NME6: variants seen among roughly 807,000 people sequenced by gnomAD.
NME6 encodes nucleoside diphosphate kinase 6, mitochondrial.
Under a neutral mutation model 22.2 loss-of-function variants are expected in NME6, and 16 were observed. The observed-to-expected ratio is 0.72, with a 90% CI of 0.49 to 1.09. NME6 has a LOEUF of 1.09. NME6 is among the 50% of genes least tolerant of loss of function. NME6 has a pLI of 0.00. For missense variants in NME6, 229 were observed against 239.0 expected, an observed-to-expected ratio of 0.96 and a Z score of 0.28; for synonymous variants, 58 against 85.2, an observed-to-expected ratio of 0.68 and a Z score of 1.76.
chr3:48,294,816 A>T lies in NME6; in HGVS notation c.395-13T>A. On this transcript the variant is annotated splice_polypyrimidine_tract_variant and intron_variant, in intron 5 of 5. Coordinates refer to ENST00000442597, the MANE Select transcript of NME6 (RefSeq NM_001308426.2). ...GAAACCACAGAGTCTGTAAGGGGAG[A>T]TAAGACAGAGAAGGGGTTCTCACAT... The T allele has an allele frequency of 1.2e-6, 2 of 1,611,378 alleles. No individual in the cohort carries two copies. Among genetic ancestry groups the T allele is most frequent in the Non-Finnish European group, 8.5e-7 (1 of 1,177,794 alleles).
At chr3:48,298,261 C>A in intron 2 of NME6, 166 bp downstream of exon 2, 1 of 663,922 alleles carries the variant, frequency 1.5e-6, no homozygotes. Flanking sequence ...TGCCTCAAGT[C>A]TCCAATGGAT....
Position 48,294,569 on chromosome 3 carries a change from A to C in NME6, c.*68T>G. ...CTGTAAGCCAGGCTTCCCTGGTCCTAGGAGAATGTTTTAGACTAGATGTCT... is the reference window on the plus strand; with the variant it reads ...CTGTAAGCCAGGCTTCCCTGGTCCTCGGAGAATGTTTTAGACTAGATGTCT... On this transcript the variant is annotated 3_prime_UTR_variant, in exon 6 of 6. Transcript: ENST00000442597. The C allele has an allele frequency of 1.3e-6, 2 of 1,547,202 alleles. No homozygotes were observed. The highest frequency in any genetic ancestry group is 1.8e-6 in the Non-Finnish European group (2 of 1,129,386).
downstream of NME6, chr3:48,291,628 T>TC (rs2034480465): frequency 1.3e-5 from 2 of 155,768 alleles, no homozygotes; most frequent in South Asian, 3.7e-4. Context: ...TAAGTGATCC[T>TC]CCCCCCTCAG....
chr3:48,301,162 A>ACCTGCGCCCCTACCCCCGTGG, intron 1 of NME6, 191 bp downstream of exon 1: 1 of 1,124,884 alleles, frequency 8.9e-7, no homozygotes, highest in Non-Finnish European at 1.2e-6. Flanking sequence ...CGCGGCCGGG[A>ACCTGCGCCCCTACCCCCGTGG]CCTGCGCCCC....
At position 48,298,409 on chromosome 3, in the gene NME6, C is replaced by G. The variant is rs2035334340; in HGVS notation, c.90+18G>C. 1.2e-6 allele frequency: 2 copies of G among 1,608,760 alleles called. No individual in the cohort carries two copies. Among genetic ancestry groups the G allele is most frequent in the Non-Finnish European group, 1.7e-6 (2 of 1,175,172 alleles). On this transcript the variant is annotated intron_variant, in intron 2 of 5. Transcript: ENST00000442597. ...CAATTCCCAGGGCATGCGGTAGAGACTTAGGATTCATTCTTACCTCCAGAA... is the reference window on the plus strand; with the variant it reads ...CAATTCCCAGGGCATGCGGTAGAGAGTTAGGATTCATTCTTACCTCCAGAA...
chr3:48,298,537 G>A lies in NME6; in HGVS notation c.-7-14C>T. On this transcript the variant is annotated splice_polypyrimidine_tract_variant and intron_variant, in intron 1 of 5. Transcript: ENST00000442597. ...GCCATCTCACTCCTGCCATTAGAGA[G>A]CTGTATTAGGAACCCTTCAGGACGG... is the stretch of plus-strand genomic sequence containing the variant. 1 of 1,582,606 alleles carries A rather than the reference G, an allele frequency of 6.3e-7. No individual in the cohort carries two copies. Among genetic ancestry groups the A allele is most frequent in the Non-Finnish European group, 8.6e-7 (1 of 1,164,710 alleles).
chr3:48,291,154 T>G (rs566405431), downstream of NME6: 1 of 311,018 alleles, frequency 3.2e-6, no homozygotes, highest in Non-Finnish European at 6.4e-6. Context: ...AATAGAAAAG[T>G]TGGTAACGCT....
At chr3:48,295,585 A>C (rs576712355) in intron 4 of NME6, 1 of 257,262 alleles carries the variant, frequency 3.9e-6, no homozygotes, top group African/African-American at 2.2e-5. Flanking sequence ...TCTGTTGCCC[A>C]GGCTAGAGTA....
intron 1 of NME6, among the ~76,000 whole-genome samples, chr3:48,299,983 A>G (rs1269894662): frequency 6.6e-6 from 1 of 151,872 alleles, no homozygotes; most frequent in Non-Finnish European, 1.5e-5. Context: ...AATTTTCCCT[A>G]CCTAATATAT....
intron 1 of NME6, 30 bp downstream of exon 1, chr3:48,301,323 A>G: frequency 6.3e-7 from 1 of 1,587,906 alleles, no homozygotes; most frequent in Non-Finnish European, 8.6e-7. Flanking sequence ...TCGGAGCCCC[A>G]GTGCAGCAGA....
At chr3:48,299,049 ATTC>A (rs1233524353) in intron 1 of NME6, 4 of 700,186 alleles carry the variant, frequency 5.7e-6, no homozygotes, top group Non-Finnish European at 1.0e-5. Flanking sequence ...CACCATCTCT[ATTC>A]TAATATTATG....
At chr3:48,292,283 T>C (rs1374196506), downstream of NME6, 1 of 152,208 alleles carries the variant, frequency 6.6e-6, no homozygotes, top group Admixed American at 6.5e-5. Flanking sequence ...CATCTATCTC[T>C]ATAGACTGAA....
In NME6 at chr3:48,296,833, A is replaced by AAT; in HGVS notation, c.91-6_91-5dup. On this transcript the variant is annotated splice_polypyrimidine_tract_variant and splice_region_variant and intron_variant, in intron 2 of 5. Coordinates refer to ENST00000442597, the MANE Select transcript of NME6 (RefSeq NM_001308426.2). ...TTAGAATCTGCTGATGAACAGCCTG[A>AAT]ATAAAGACCATCCCCAAAATAAAAA... 4 of 1,602,980 alleles carry AAT rather than the reference A, an allele frequency of 2.5e-6. No homozygotes were observed. The highest frequency in any genetic ancestry group is 3.4e-6 in the Non-Finnish European group (4 of 1,171,938).
At position 48,292,361 on chromosome 3, in the gene NME6, A is replaced by G. The variant is rs1575310520; in HGVS notation, c.*2276T>C. On this transcript the variant is annotated 3_prime_UTR_variant, in exon 6 of 6. Transcript: ENST00000442597. ...GTTTATTCTAGTTTTCTCCCTTTCC[A>G]TATTTGTGGGAGCCAGGTTTTTATG... 1 of 152,144 alleles carries G rather than the reference A, an allele frequency of 6.6e-6. No individual in the cohort carries two copies. Among genetic ancestry groups the G allele is most frequent in the African/African-American group, 2.4e-5 (1 of 41,436 alleles). The allele number at this position is 152,144 out of a possible 1,614,324, so 9.4% of individuals were successfully genotyped here.
At chr3:48,301,239 TTC>T in intron 1 of NME6, 112 bp downstream of exon 1, 1 of 1,552,780 alleles carries the variant, frequency 6.4e-7, no homozygotes, top group Non-Finnish European at 8.7e-7. Context: ...AGCCCCCTAC[TTC>T]TCTAGGCCTG....
In NME6 at chr3:48,294,413, A is replaced by G. The variant is rs2034834334; in HGVS notation, c.*224T>C. The stretch of plus-strand genomic sequence containing the variant: ...GAAGAAGGATGAACAGTTCTCAGCA[A>G]AGAGGAGTCATCATTCTTCTGAACC... On this transcript the variant is annotated 3_prime_UTR_variant, in exon 6 of 6. Transcript: ENST00000442597. 2.0e-6 allele frequency: 1 copy of G among 496,288 alleles called. No individual in the cohort carries two copies. Among genetic ancestry groups the G allele is most frequent in the Admixed American group, 3.1e-5 (1 of 31,916 alleles). 30.7% of individuals were successfully genotyped at this position (496,288 alleles called of 1,614,324 possible).
chr3:48,288,970 A>G (rs539032174), downstream of NME6, among the ~76,000 whole-genome samples: 31 of 152,232 alleles, frequency 2.0e-4, no homozygotes, highest in African/African-American at 6.7e-4. Flanking sequence ...GTGAGAGAGG[A>G]CACTGAAGAG....
chr3:48,294,231 G>A lies in NME6; in HGVS notation c.*406C>T, dbSNP rs1385418945. ...TGGGATTACAGGCATGCACCACCAT[G>A]CCTGGCTAATTGTTGTATTTTTAGT... On this transcript the variant is annotated 3_prime_UTR_variant, in exon 6 of 6. Transcript: ENST00000442597. 6.1e-6 allele frequency: 1 copy of A among 163,730 alleles called. No individual in the cohort carries two copies. Among genetic ancestry groups the A allele is most frequent in the African/African-American group, 2.4e-5 (1 of 41,908 alleles). The allele number at this position is 163,730 out of a possible 1,614,324, so 10.1% of individuals were successfully genotyped here.
Position 48,295,097 on chromosome 3 carries a change from G to A in NME6, c.372C>T (p.Thr124=), listed in dbSNP as rs1294687667. 1 of 1,613,976 alleles carries A rather than the reference G, an allele frequency of 6.2e-7. No homozygotes were observed. The highest frequency in any genetic ancestry group is 1.3e-5 in the African/African-American group (1 of 74,912). The change falls in exon 5 of 6, where the codon ACC becomes ACT. Residue 124 remains threonine (T), a synonymous_variant. Transcript: ENST00000442597. ...SIRGSFGLTD[T]RNTTHGSDSV... ...CACCCGAACCATGGGTGGTGTTGCGGGTGTCAGTGAGGCCGAAACTCCCAC... is the reference window on the plus strand; with the variant it reads ...CACCCGAACCATGGGTGGTGTTGCGAGTGTCAGTGAGGCCGAAACTCCCAC...
Sources: allele counts gnomAD v4.1 joint callset (sites outside exome capture counted in the v4.1 genomes callset), GRCh38; gene constraint gnomAD v4.1.1; transcripts MANE v1.5; gene names NCBI Gene and HGNC (gene_info 2026-07-23, HGNC 2026-07-21).